Variants in GMDS observed in about 807,000 individuals in gnomAD.
GMDS encodes GDP-mannose 4,6-dehydratase, also known as GDP-mannose 4,6 dehydratase.
A neutral mutation model predicts 49.9 loss-of-function variants in GMDS; 20 were observed. That is an observed-to-expected ratio of 0.40 (90% CI 0.28 to 0.58). GMDS has a LOEUF of 0.58. Ranked by LOEUF, GMDS falls within the 20% of genes least tolerant of loss-of-function variation. GMDS has a pLI of 0.42. For missense variants in GMDS, 362 were observed against 481.4 expected (o/e 0.75, Z 2.32); for synonymous variants, 177 against 178.6 (o/e 0.99, Z 0.07).
intron 9 of GMDS, among the ~76,000 whole-genome samples, chr6:1,658,430 C>A (rs1206798390): frequency 6.6e-6 from 1 of 152,268 alleles, no homozygotes; most frequent in African/African-American, 2.4e-5. Context: ...GCCCACACAG[C>A]CCAGCGCTCT....
chr6:1,833,406 T>C lies in GMDS; in HGVS notation c.772-90820A>G, dbSNP rs1756769122. Reference sequence around the variant, plus strand: ...ATCTGTCCTCAGAGACCAAGCAGAGTGATTCACTATTTCATGGCACAATGA... The same window carrying C: ...ATCTGTCCTCAGAGACCAAGCAGAGCGATTCACTATTTCATGGCACAATGA... On this transcript the variant is annotated intron_variant, in intron 7 of 10. Coordinates refer to ENST00000380815, the MANE Select transcript of GMDS (RefSeq NM_001500.4). The surrounding 1 kb of genome is among the most constrained non-coding windows in gnomAD (Gnocchi z 4.4). 6.6e-6 allele frequency among the ~76,000 whole-genome samples: 1 copy of C among 151,562 alleles called. No individual in the cohort carries two copies. Among genetic ancestry groups the C allele is most frequent in the African/African-American group, 2.4e-5 (1 of 41,254 alleles).
chr6:1,686,628 T>C (rs749206812), intron 9 of GMDS, among the ~76,000 whole-genome samples: 1 of 152,256 alleles, frequency 6.6e-6, no homozygotes, highest in Non-Finnish European at 1.5e-5. Flanking sequence ...TTGGCTTGTA[T>C]TTATGGCATA....
chr6:1,939,910 C>G (rs569087377), intron 6 of GMDS, among the ~76,000 whole-genome samples: 1 of 152,104 alleles, frequency 6.6e-6, no homozygotes, highest in Non-Finnish European at 1.5e-5. Flanking sequence ...ATGCCGTAGA[C>G]GTAAGGAAGA....
At chr6:1,853,725 A>AGT (rs1194076646) in intron 7 of GMDS, among the ~76,000 whole-genome samples, 1 of 152,200 alleles carries the variant, frequency 6.6e-6, no homozygotes, top group Non-Finnish European at 1.5e-5. Flanking sequence ...TTGAAGACTC[A>AGT]GTTAAAATAG....
At chr6:2,064,607 T>C (rs1425997857) in intron 4 of GMDS, among the ~76,000 whole-genome samples, 2 of 152,170 alleles carry the variant, frequency 1.3e-5, no homozygotes, top group Non-Finnish European at 2.9e-5. Context: ...ATATTACCCA[T>C]GCCCCTTCAT....
chr6:1,779,242 C>T (rs1445469719), intron 7 of GMDS, among the ~76,000 whole-genome samples: 1 of 152,170 alleles, frequency 6.6e-6, no homozygotes, highest in Non-Finnish European at 1.5e-5. Flanking sequence ...CCTGATGCTC[C>T]CCTCTGAGCC....
Position 1,624,104 on chromosome 6 carries a change from C to T in GMDS, c.*65G>A, listed in dbSNP as rs1394635500. ...GGCACGCCGCTCCCCATCCCCGCAG[C>T]GCGTCTGCACCGGAGACTCTGCGGG... On this transcript the variant is annotated 3_prime_UTR_variant, in exon 11 of 11. Transcript: ENST00000380815. 12 of 1,415,518 alleles carry T rather than the reference C, an allele frequency of 8.5e-6. No individual in the cohort carries two copies. Among genetic ancestry groups the T allele is most frequent in the Non-Finnish European group, 1.2e-5 (12 of 1,014,826 alleles). 87.7% of individuals were successfully genotyped at this position (1,415,518 alleles called of 1,614,324 possible).
chr6:2,220,735 A>T (rs140835159), intron 1 of GMDS, among the ~76,000 whole-genome samples: 291 of 152,208 alleles, frequency 1.9e-3, no homozygotes, highest in Admixed American at 3.7e-3. Flanking sequence ...TTGTATATAC[A>T]TTTCTCTACG....
chr6:1,723,637 G>A (rs1357089355), intron 9 of GMDS, among the ~76,000 whole-genome samples: 2 of 151,198 alleles, frequency 1.3e-5, no homozygotes, highest in East Asian at 3.9e-4. Context: ...ATTCTAAGAA[G>A]ACATAGTTAT....
chr6:2,243,840 C>CTTT (rs1781725608), intron 1 of GMDS, among the ~76,000 whole-genome samples: 8 of 127,128 alleles, frequency 6.3e-5, no homozygotes, highest in African/African-American at 2.4e-4. Context: ...TCAACTTCTC[C>CTTT]TTCTTTTTTT....
chr6:1,882,214 T>C (rs1333622920), intron 7 of GMDS, among the ~76,000 whole-genome samples: 1 of 152,196 alleles, frequency 6.6e-6, no homozygotes, highest in African/African-American at 2.4e-5. Context: ...GAATTCTTCA[T>C]AGCCCTTGGT....
intron 7 of GMDS, among the ~76,000 whole-genome samples, chr6:1,753,983 C>T (rs977273406): frequency 3.3e-5 from 5 of 151,876 alleles, no homozygotes; most frequent in African/African-American, 1.2e-4. Context: ...ACTAGAGAAG[C>T]AAGAGCAAAT....
At chr6:2,097,380 T>A (rs7757795) in intron 4 of GMDS, among the ~76,000 whole-genome samples, 67,505 of 151,906 alleles carry the variant, frequency 0.44, 17,992 homozygotes, top group African/African-American at 0.75. Context: ...CGGGGGTGGC[T>A]AAAAGGAGGA....
intron 7 of GMDS, among the ~76,000 whole-genome samples, chr6:1,761,748 G>A (rs978506521): frequency 6.6e-6 from 1 of 152,138 alleles, no homozygotes; most frequent in African/African-American, 2.4e-5. Flanking sequence ...ATGTTAGCCA[G>A]AGGCAAAATA....
chr6:1,756,020 G>A (rs9378311), intron 7 of GMDS, among the ~76,000 whole-genome samples: 14,685 of 152,144 alleles, frequency 0.097, 796 homozygotes, highest in African/African-American at 0.15. Context: ...ATCTGACAAA[G>A]GGCTAATATG....
At chr6:1,939,220 GCTGA>G (rs990588653) in intron 6 of GMDS, among the ~76,000 whole-genome samples, 7 of 152,026 alleles carry the variant, frequency 4.6e-5, no homozygotes, top group South Asian at 2.1e-4. Flanking sequence ...TGTTATTTAT[GCTGA>G]CTTTGACTGA....
intron 6 of GMDS, among the ~76,000 whole-genome samples, chr6:1,952,438 C>T (rs753080785): frequency 1.3e-5 from 2 of 151,992 alleles, no homozygotes; most frequent in African/African-American, 2.4e-5. Context: ...AGCTAATGAG[C>T]GTGCATTTTT....
intron 1 of GMDS, among the ~76,000 whole-genome samples, chr6:2,168,369 C>T (rs180788108): frequency 2.0e-5 from 3 of 152,268 alleles, no homozygotes; most frequent in African/African-American, 7.2e-5. Context: ...GCCTGAGATC[C>T]ATGAGTAGAA....
chr6:1,906,672 G>A (rs746192763), intron 7 of GMDS, among the ~76,000 whole-genome samples: 3 of 152,082 alleles, frequency 2.0e-5, no homozygotes, highest in Admixed American at 2.0e-4. Flanking sequence ...TGAAGCCTAC[G>A]GGTCCTGGGT....
Sources: allele counts gnomAD v4.1 joint callset (sites outside exome capture counted in the v4.1 genomes callset), GRCh38; gene constraint gnomAD v4.1.1; non-coding constraint Gnocchi (gnomAD v3.1); transcripts MANE v1.5; gene names NCBI Gene and HGNC (gene_info 2026-07-23, HGNC 2026-07-21).